The following LRRC56 variants were observed in gnomAD, a reference collection of about 807,000 sequenced individuals.
The protein encoded by LRRC56 is leucine-rich repeat-containing protein 56.
In LRRC56, 41 loss-of-function variants were observed where a neutral mutation model predicts 47.8. That is an observed-to-expected ratio of 0.86 (90% CI 0.67 to 1.11). The LOEUF (loss-of-function observed/expected upper bound fraction) is 1.11. Among genes scored for constraint, LRRC56 ranks in the 50% most tolerant of loss-of-function variants. LRRC56 has a pLI of 0.00. For synonymous variants in LRRC56, 387 were observed against 311.2 expected (o/e 1.24, Z -2.56); for missense variants, 759 against 704.2 (o/e 1.08, Z -0.88).
the LRRC56 span, among the ~76,000 whole-genome samples, chr11:515,249 A>G: frequency 1.3e-5 from 2 of 152,086 alleles, no homozygotes; most frequent in African/African-American, 2.4e-5. Flanking sequence ...AGGCTCTCCC[A>G]TATCTGCCGA....
At chr11:546,125 C>CCAGG (rs1852064159) in intron 6 of LRRC56, among the ~76,000 whole-genome samples, 2 of 151,976 alleles carry the variant, frequency 1.3e-5, no homozygotes, top group African/African-American at 4.8e-5. Flanking sequence ...ACAAAATTAG[C>CCAGG]CGTGCATGGT....
Position 541,494 on chromosome 11 carries a change from G to A in LRRC56, c.178-43G>A. 8.4e-7 allele frequency: 1 copy of A among 1,183,446 alleles called. No homozygotes were observed. The highest frequency in any genetic ancestry group is 1.2e-6 in the Non-Finnish European group (1 of 846,720). The allele number at this position is 1,183,446 out of a possible 1,614,324, so 73.3% of individuals were successfully genotyped here. On this transcript the variant is annotated intron_variant, in intron 4 of 13. Coordinates refer to ENST00000270115, the MANE Select transcript of LRRC56 (RefSeq NM_198075.4). This position sits in a 1 kb window ranked among gnomAD's most constrained non-coding sequence, Gnocchi z 4.1. ...CAGAAGCAAGGATGGAACTAAAGTGGGGAGAGCCAGGACCAGCGCTGACCC... is the reference window on the plus strand; with the variant it reads ...CAGAAGCAAGGATGGAACTAAAGTGAGGAGAGCCAGGACCAGCGCTGACCC...
the LRRC56 span, among the ~76,000 whole-genome samples, chr11:518,321 ACAG>A: frequency 2.6e-5 from 4 of 151,832 alleles, no homozygotes; most frequent in African/African-American, 9.7e-5. Flanking sequence ...AGCTGGGACT[ACAG>A]GTGCCCGCCA....
chr11:509,340 T>C, the LRRC56 span, among the ~76,000 whole-genome samples: 1 of 152,256 alleles, frequency 6.6e-6, no homozygotes, highest in Admixed American at 6.5e-5. Context: ...TTCATTCTTT[T>C]CTTTGCCATG....
intron 8 of LRRC56, 46 bp downstream of exon 8, chr11:550,318 G>C (rs766685369): frequency 4.8e-6 from 7 of 1,462,702 alleles, no homozygotes; most frequent in South Asian, 4.1e-5. Flanking sequence ...GCCAGGAGAG[G>C]CTCCCTGTGG....
intron 6 of LRRC56, among the ~76,000 whole-genome samples, chr11:546,734 G>A (rs1337999847): frequency 6.6e-6 from 1 of 151,972 alleles, no homozygotes; most frequent in Non-Finnish European, 1.5e-5. Context: ...AAACTAGGAT[G>A]GGTTTGGAAA....
At chr11:540,566 G>T in intron 3 of LRRC56, 108 bp from the exon 4 acceptor site, 1 of 947,334 alleles carries the variant, frequency 1.1e-6, no homozygotes, top group Non-Finnish European at 1.6e-6. Context: ...GGTGCCAAGG[G>T]CTTGCTGTGA....
chr11:544,447 G>A (rs544642189), intron 5 of LRRC56, among the ~76,000 whole-genome samples: 30 of 152,306 alleles, frequency 2.0e-4, no homozygotes, highest in Admixed American at 1.2e-3. Context: ...CGAGGGGCGC[G>A]GAGCCGTGAG....
chr11:515,713 C>T, the LRRC56 span, among the ~76,000 whole-genome samples: 3 of 152,062 alleles, frequency 2.0e-5, no homozygotes, highest in African/African-American at 7.2e-5. Context: ...TGGCGGGCAC[C>T]TGTAATCCCA....
At chr11:534,444 G>A (rs980916751), upstream of LRRC56, 18 of 778,794 alleles carry the variant, frequency 2.3e-5, no homozygotes, top group African/African-American at 2.4e-4. Flanking sequence ...GCTGCTGGCA[G>A]GGCCATCTGA....
In LRRC56 at chr11:541,699, A is replaced by G; in HGVS notation, c.265+75A>G. 3 of 966,252 alleles carry G rather than the reference A, an allele frequency of 3.1e-6. No individual in the cohort carries two copies. The highest frequency in any genetic ancestry group is 4.6e-6 in the Non-Finnish European group (3 of 651,762). The allele number at this position is 966,252 out of a possible 1,614,324, so 59.9% of individuals were successfully genotyped here. On this transcript the variant is annotated intron_variant, in intron 5 of 13. Coordinates refer to ENST00000270115, the MANE Select transcript of LRRC56 (RefSeq NM_198075.4). This position sits in a 1 kb window ranked among gnomAD's most constrained non-coding sequence, Gnocchi z 4.1. ...TGTAAACAACACACGTTTCCTGGTT[A>G]TGACGACAAAGCTGTCCTCACCTCT...
At chr11:510,165 G>C in the LRRC56 span, among the ~76,000 whole-genome samples, 1 of 152,134 alleles carries the variant, frequency 6.6e-6, no homozygotes, top group Non-Finnish European at 1.5e-5. Context: ...GGAATCCAGG[G>C]ACAGGCTGAG....
At position 541,682 on chromosome 11, in the gene LRRC56, A is replaced by G; in HGVS notation, c.265+58A>G. ...CCACGGCCACGCCTCCCTGTAAACA[A>G]CACACGTTTCCTGGTTATGACGACA... On this transcript the variant is annotated intron_variant, in intron 5 of 13. Transcript: ENST00000270115. The surrounding 1 kb of genome is among the most constrained non-coding windows in gnomAD (Gnocchi z 4.1). 1 of 1,072,542 alleles carries G rather than the reference A, an allele frequency of 9.3e-7. No homozygotes were observed. The highest frequency in any genetic ancestry group is 1.6e-5 in the South Asian group (1 of 63,592). The allele number at this position is 1,072,542 out of a possible 1,614,324, so 66.4% of individuals were successfully genotyped here.
intron 6 of LRRC56, 78 bp from the exon 7 acceptor site, chr11:549,824 C>T: frequency 7.7e-7 from 1 of 1,303,398 alleles, no homozygotes; most frequent in Non-Finnish European, 1.1e-6. Context: ...TGCCCCTACC[C>T]CTGAAGACAG....
the LRRC56 span, among the ~76,000 whole-genome samples, chr11:517,246 T>G: frequency 6.6e-6 from 1 of 152,188 alleles, no homozygotes; most frequent in Non-Finnish European, 1.5e-5. Flanking sequence ...AGTGCTAAGA[T>G]TACAGCCTCT....
At chr11:528,173 A>G in the LRRC56 span, among the ~76,000 whole-genome samples, 1 of 152,082 alleles carries the variant, frequency 6.6e-6, no homozygotes, top group Admixed American at 6.6e-5. Flanking sequence ...CCCTGGATGG[A>G]TGTTGGGAGA....
Position 554,191 on chromosome 11 carries a change from G to C in LRRC56, c.1544G>C (p.Cys515Ser). ...CGCCTGAGCCCTCGAGCCCAGGGAT[G>C]TCCTGGCCCAAAGCCAGCACCAGAT... The part of the protein sequence containing the change: ...ASRLSPRAQG[C>S]PGPKPAPDAA... Residue 515 changes from cysteine (C) to serine (S), a missense_variant, in exon 14 of 14, where the codon TGT (cysteine) becomes TCT (serine). Coordinates refer to ENST00000270115, the MANE Select transcript of LRRC56 (RefSeq NM_198075.4). The C allele has an allele frequency of 6.4e-7, 1 of 1,562,548 alleles. No homozygotes were observed. Among genetic ancestry groups the C allele is most frequent in the Non-Finnish European group, 8.7e-7 (1 of 1,155,348 alleles).
chr11:510,089 CT>C, the LRRC56 span, among the ~76,000 whole-genome samples: 1 of 151,562 alleles, frequency 6.6e-6, no homozygotes, highest in East Asian at 1.9e-4. Context: ...CTGCCCCTCC[CT>C]CACATCCAGC....
At position 539,646 on chromosome 11, in the gene LRRC56, G is replaced by T. The variant is rs1870725; in HGVS notation, c.-92G>T. ...CTCCTGACCTCGTGATCTGCCCGCCGCGGCCTCCCAAAGTGCTGGGATTAC... is the reference window on the plus strand; with the variant it reads ...CTCCTGACCTCGTGATCTGCCCGCCTCGGCCTCCCAAAGTGCTGGGATTAC... On this transcript the variant is annotated 5_prime_UTR_variant, in exon 3 of 14. Transcript: ENST00000270115. The T allele has an allele frequency of 0.36, 52,577 of 146,814 alleles. 9,427 individuals carry two copies. The highest frequency in any genetic ancestry group is 0.41 in the African/African-American group (16,365 of 39,746). The allele number at this position is 146,814 out of a possible 1,614,324, so 9.1% of individuals were successfully genotyped here.
Sources: allele counts gnomAD v4.1 joint callset (sites outside exome capture counted in the v4.1 genomes callset), GRCh38; gene constraint gnomAD v4.1.1; non-coding constraint Gnocchi (gnomAD v3.1); transcripts MANE v1.5; gene names NCBI Gene and HGNC (gene_info 2026-07-23, HGNC 2026-07-21).